Variants in OLFML3 observed in about 807,000 individuals in gnomAD.
OLFML3 encodes olfactomedin like 3, also known as olfactomedin-like protein 3.
In OLFML3, 26 loss-of-function variants were observed where a neutral mutation model predicts 36.0. The observed-to-expected ratio is 0.72, with a 90% confidence interval of 0.53 to 1.00. The LOEUF (loss-of-function observed/expected upper bound fraction) is 1.00, where lower values mean the gene tolerates loss of function less well. Ranked by LOEUF, OLFML3 falls within the 50% of genes least tolerant of loss-of-function variation. The probability of loss-of-function intolerance (pLI) is 0.00; values close to 1 mark genes in which losing one functional copy is unlikely to be tolerated. For synonymous variants in OLFML3, 184 were observed against 201.2 expected, an observed-to-expected ratio of 0.91 and a Z score of 0.72; for missense variants, 503 against 519.4, an observed-to-expected ratio of 0.97 and a Z score of 0.31.
In OLFML3 at chr1:113,980,615, CA is replaced by C; in HGVS notation, c.399del (p.Asp134ThrfsTer9). 6.3e-7 allele frequency: 1 copy of C among 1,577,314 alleles called. No homozygotes were observed. Among genetic ancestry groups the C allele is most frequent in the Non-Finnish European group, 8.6e-7 (1 of 1,162,458 alleles). On this transcript the variant is annotated frameshift_variant and splice_region_variant, in exon 2 of 3. Transcript: ENST00000320334. LOFTEE classifies it high-confidence loss of function. Reference sequence around the variant, plus strand: ...AGGAATGAGAAGTACGATATGGTGACAGGTAAATAATCTGAAAGCAGGCCCC... The same window carrying C: ...AGGAATGAGAAGTACGATATGGTGACGGTAAATAATCTGAAAGCAGGCCCC... ...GRRNEKYDMV[T>X]DCGYTISQVR...
chr1:113,979,732 T>TA (rs1323761883), intron 1 of OLFML3, 102 bp downstream of exon 1: 35 of 924,496 alleles, frequency 3.8e-5, no homozygotes, highest in Non-Finnish European at 5.9e-5. Flanking sequence ...AGGGCTCTGT[T>TA]AGAGTCTACA....
In OLFML3 at chr1:113,981,648, G is replaced by A. The variant is rs745362183; in HGVS notation, c.1100G>A (p.Arg367His). 30 of 1,613,732 alleles carry A rather than the reference G, an allele frequency of 1.9e-5. No homozygotes were observed. Among genetic ancestry groups the A allele is most frequent in the Admixed American group, 5.0e-5 (3 of 59,974 alleles). ...PERAALPYFP[R>H]RYGAHASLRY... is the part of the protein sequence containing the mutation. ...CGGGCAGCACTCCCTTATTTTCCCCGCAGATATGGTGCCCATGCCAGCCTC... is the reference window on the plus strand; with the variant it reads ...CGGGCAGCACTCCCTTATTTTCCCCACAGATATGGTGCCCATGCCAGCCTC... The change falls in exon 3 of 3, where the codon CGC becomes CAC. Residue 367 changes from arginine (R) to histidine (H), a missense_variant. Coordinates refer to ENST00000320334, the MANE Select transcript of OLFML3 (RefSeq NM_020190.5).
At chr1:113,979,822 C>T (rs946072227) in intron 1 of OLFML3, among the ~76,000 whole-genome samples, 192 bp downstream of exon 1, 1 of 152,110 alleles carries the variant, frequency 6.6e-6, no homozygotes, top group Non-Finnish European at 1.5e-5. Context: ...CAAAGCAAAT[C>T]GACTTTTGCG....
intron 1 of OLFML3, chr1:113,980,089 G>A: frequency 6.5e-7 from 1 of 1,550,268 alleles, no homozygotes; most frequent in Non-Finnish European, 8.7e-7. Context: ...CAGTGGCACT[G>A]CTCACAGAGA....
At position 113,979,488 on chromosome 1, in the gene OLFML3, T is replaced by C; in HGVS notation, c.-29T>C. The C allele has an allele frequency of 6.6e-7, 1 of 1,515,554 alleles. No homozygotes were observed. 93.9% of individuals were successfully genotyped at this position (1,515,554 alleles called of 1,614,324 possible). ...GGGAAGAGGCTGACTGTACGTTCCT[T>C]CTACTCTGGCACCACTCTCCAGGCT... On this transcript the variant is annotated 5_prime_UTR_variant, in exon 1 of 3. Coordinates refer to ENST00000320334, the MANE Select transcript of OLFML3 (RefSeq NM_020190.5).
At chr1:113,980,290 T>C (rs752202878) in intron 1 of OLFML3, 42 bp from the exon 2 acceptor site, 1 of 1,526,126 alleles carries the variant, frequency 6.6e-7, no homozygotes, top group Non-Finnish European at 8.8e-7. Context: ...TGCCTGGGAG[T>C]TGTAACCCTG....
Position 113,981,527 on chromosome 1 carries a change from ATCTGTGGGACCC to A in OLFML3, c.983_994del (p.Cys328_Leu331del). The A allele has an allele frequency of 6.2e-7, 1 of 1,614,138 alleles. No individual in the cohort carries two copies. The highest frequency in any genetic ancestry group is 2.2e-5 in the East Asian group (1 of 44,870). On this transcript the variant is annotated inframe_deletion, in exon 3 of 3. Coordinates refer to ENST00000320334, the MANE Select transcript of OLFML3 (RefSeq NM_020190.5). The stretch of plus-strand genomic sequence containing the variant: ...AGAGAATGCTGAGGCTGCCTTTGTC[ATCTGTGGGACCC>A]TCTATGTCGTCTATAACACCCGTCC...
chr1:113,981,783 T>G lies in OLFML3; in HGVS notation c.*14T>G. ...GAGGAGGTTTGAGGAGCTAGCCTTG[T>G]TTTTTGCATCTTTCTCACTCCCATA... On this transcript the variant is annotated 3_prime_UTR_variant, in exon 3 of 3. Transcript: ENST00000320334. The G allele has an allele frequency of 1.9e-6, 3 of 1,602,606 alleles. No individual in the cohort carries two copies. The highest frequency in any genetic ancestry group is 2.6e-6 in the Non-Finnish European group (3 of 1,173,152).
rs1002292470 is a variant in OLFML3, at chr1:113,980,203, G to T, written c.115-129G>T. 7 of 1,518,902 alleles carry T rather than the reference G, an allele frequency of 4.6e-6. No homozygotes were observed. In the South Asian group the frequency reaches 7.7e-5, roughly 17 times the overall value. 94.1% of individuals were successfully genotyped at this position (1,518,902 alleles called of 1,614,324 possible). A position where few individuals can be genotyped will look rare whatever the true frequency, so the allele number is the denominator to read the frequency against. ...GCACATCTGGTTTCCTTTTCTGCAG[G>T]AGTGGAAGGGGATATTGAAGCCTGG... is the stretch of plus-strand genomic sequence containing the variant. On this transcript the variant is annotated intron_variant, in intron 1 of 2. Coordinates refer to ENST00000320334, the MANE Select transcript of OLFML3 (RefSeq NM_020190.5).
At chr1:113,979,801 T>C (rs1216042432) in intron 1 of OLFML3, among the ~76,000 whole-genome samples, 171 bp downstream of exon 1, 1 of 152,184 alleles carries the variant, frequency 6.6e-6, no homozygotes, top group African/African-American at 2.4e-5. Context: ...TTACCCCACA[T>C]AGAACAATTC....
In OLFML3 at chr1:113,981,484, G is replaced by A; in HGVS notation, c.936G>A (p.Trp312Ter). The A allele has an allele frequency of 6.2e-7, 1 of 1,614,002 alleles. No individual in the cohort carries two copies. Residue 312 changes from tryptophan (W) to a stop codon, truncating the protein, a stop_gained, in exon 3 of 3, where the codon TGG becomes TGA. Transcript: ENST00000320334. LOFTEE classifies it high-confidence loss of function. ...AGACACTGGACACAGAGCAGCAGTG[G>A]GACACACCATGTCCCAGAGAGAATG... ...DPQTLDTEQQ[W>*]DTPCPRENAE...
chr1:113,979,899 C>T, intron 1 of OLFML3: 1 of 1,390,990 alleles, frequency 7.2e-7, no homozygotes, highest in Non-Finnish European at 9.4e-7. Flanking sequence ...TGTGGGGCTG[C>T]ATCTCCAGAG....
chr1:113,982,113 G>A lies in OLFML3; in HGVS notation c.*344G>A, dbSNP rs1019118261. On this transcript the variant is annotated 3_prime_UTR_variant, in exon 3 of 3. Transcript: ENST00000320334. ...GCAGCAGTGTTCTTCCCCTCAGAGT[G>A]ACTTGGGGAGGGAGAAATAGGAGGA... 3.0e-5 allele frequency: 10 copies of A among 333,590 alleles called. 1 individual carries two copies. The Admixed American group carries it at 4.7e-4, about 16-fold the overall frequency. 20.7% of individuals were successfully genotyped at this position (333,590 alleles called of 1,614,324 possible).
intron 2 of OLFML3, 50 bp downstream of exon 2, chr1:113,980,667 TC>T (rs1240851834): frequency 6.7e-7 from 1 of 1,500,422 alleles, no homozygotes; most frequent in Non-Finnish European, 8.9e-7. Context: ...CCGATATTCT[TC>T]CTTCCTTGCT....
Position 113,981,823 on chromosome 1 carries a change from C to A in OLFML3, c.*54C>A, listed in dbSNP as rs987056955. On this transcript the variant is annotated 3_prime_UTR_variant, in exon 3 of 3. Transcript: ENST00000320334. Reference sequence around the variant, plus strand: ...TCACTCCCATACATTTATATTATATCCCCACTAAATTTCTTGTTCCTCATT... The same window carrying A: ...TCACTCCCATACATTTATATTATATACCCACTAAATTTCTTGTTCCTCATT... 42 of 1,462,392 alleles carry A rather than the reference C, an allele frequency of 2.9e-5. No individual in the cohort carries two copies. The highest frequency in any genetic ancestry group is 2.8e-5 in the African/African-American group (2 of 70,992). 90.6% of individuals were successfully genotyped at this position (1,462,392 alleles called of 1,614,324 possible).
chr1:113,979,630 G>T lies in OLFML3; in HGVS notation c.114G>T (p.Glu38Asp), dbSNP rs1331091269. 3 of 1,603,846 alleles carry T rather than the reference G, an allele frequency of 1.9e-6. No homozygotes were observed. In the African/African-American group the frequency reaches 4.0e-5, roughly 21 times the overall value. ...TGGAACGCCGACTAGCTGCTTTAGA[G>T]GTGAGGGACCCCTTTCTCTTCTAGC... is the stretch of plus-strand genomic sequence containing the variant. Reference protein sequence around the residue: ...EYMERRLAALEERLAQCQDQS... With the variant: ...EYMERRLAALDERLAQCQDQS... Residue 38 changes from glutamate to aspartate, a missense_variant and splice_region_variant, in exon 1 of 3, where the codon GAG becomes GAT. By Grantham distance (45) the Glu-to-Asp change is conservative. Transcript: ENST00000320334.
In OLFML3 at chr1:113,981,622, A is replaced by T. The variant is rs1673418372; in HGVS notation, c.1074A>T (p.Glu358Asp). ...SFDASGTLTP[E>D]RAALPYFPRR... ...ATGCCAGCGGCACCCTGACCCCTGA[A>T]CGGGCAGCACTCCCTTATTTTCCCC... The change falls in exon 3 of 3, where the codon GAA becomes GAT. Residue 358 changes from glutamate (E) to aspartate (D), a missense_variant. Physicochemically the swap from Glu to Asp is conservative, Grantham distance 45 (BLOSUM62 2). Coordinates refer to ENST00000320334, the MANE Select transcript of OLFML3 (RefSeq NM_020190.5). The T allele has an allele frequency of 5.0e-6, 8 of 1,613,898 alleles. No individual in the cohort carries two copies. Among genetic ancestry groups the T allele is most frequent in the Non-Finnish European group, 6.8e-6 (8 of 1,179,972 alleles).
chr1:113,979,515 C>T lies in OLFML3; in HGVS notation c.-2C>T. 1 of 1,609,764 alleles carries T rather than the reference C, an allele frequency of 6.2e-7. No individual in the cohort carries two copies. The highest frequency in any genetic ancestry group is 8.5e-7 in the Non-Finnish European group (1 of 1,176,068). On this transcript the variant is annotated 5_prime_UTR_variant, in exon 1 of 3. Transcript: ENST00000320334. ...TACTCTGGCACCACTCTCCAGGCTG[C>T]CATGGGGCCCAGCACCCCTCTCCTC...
rs1210456318 is a variant in OLFML3 at position 113,981,779 on chromosome 1, CT to C, written c.*12del. ...AGAGGAGGAGGTTTGAGGAGCTAGC[CT>C]TGTTTTTTGCATCTTTCTCACTCCC... On this transcript the variant is annotated 3_prime_UTR_variant, in exon 3 of 3. Coordinates refer to ENST00000320334, the MANE Select transcript of OLFML3 (RefSeq NM_020190.5). 5.0e-6 allele frequency: 8 copies of C among 1,606,110 alleles called. No individual in the cohort carries two copies. Among genetic ancestry groups the C allele is most frequent in the Non-Finnish European group, 6.0e-6 (7 of 1,175,674 alleles).
Sources: gnomAD v4.1 joint callset for allele counts (sites outside exome capture counted in the v4.1 genomes callset) on GRCh38, gnomAD v4.1.1 for gene constraint, MANE v1.5 for transcripts, NCBI Gene and HGNC (gene_info 2026-07-23, HGNC 2026-07-21) for gene names.